SNRPN: variants seen among roughly 807,000 people sequenced by gnomAD.
SNRPN encodes the protein small nuclear ribonucleoprotein-associated protein N.
SNRPN carries 7 observed loss-of-function variants against 25.2 expected under a neutral mutation model. The ratio of observed to expected loss-of-function variants is 0.28; its 90% confidence interval spans 0.16 to 0.52. The LOEUF (loss-of-function observed/expected upper bound fraction) is 0.52, where lower values mean the gene tolerates loss of function less well. SNRPN is among the 20% of genes least tolerant of loss of function. SNRPN has a pLI of 0.96. For synonymous variants in SNRPN, 124 were observed against 110.6 expected, an observed-to-expected ratio of 1.12 and a Z score of -0.76; for missense variants, 196 against 322.5, an observed-to-expected ratio of 0.61 and a Z score of 3.00.
chr15:24,879,064 T>C (rs1156420266), intron 1 of SNRPN, among the ~76,000 whole-genome samples: 2 of 152,084 alleles, frequency 1.3e-5, no homozygotes, highest in Non-Finnish European at 2.9e-5. Context: ...AATATAGTCC[T>C]CCGGAATGCA....
At chr15:24,854,729 G>C (rs1442219134), upstream of SNRPN, among the ~76,000 whole-genome samples, 2 of 152,216 alleles carry the variant, frequency 1.3e-5, no homozygotes, top group Non-Finnish European at 2.9e-5. Context: ...CAGTTGGCCA[G>C]GAGCTGTGGC....
rs369310410 is a variant in SNRPN at position 24,968,061 on chromosome 15, T to C, written c.-165T>C. The C allele has an allele frequency of 5.5e-5, 88 of 1,606,446 alleles. No individual in the cohort carries two copies. The highest frequency in any genetic ancestry group is 6.7e-5 in the Non-Finnish European group (79 of 1,173,278). On this transcript the variant is annotated 5_prime_UTR_variant, in exon 3 of 10. Coordinates refer to ENST00000390687, the MANE Select transcript of SNRPN (RefSeq NM_003097.6). ...AAAGCCATATTGGAGTAGCGAGGAA[T>C]CTGATTCCAAGCAAAAACCAGGTTA...
chr15:24,828,328 G>T (rs1196587129), intron 1 of SNRPN, among the ~76,000 whole-genome samples: 1 of 152,076 alleles, frequency 6.6e-6, no homozygotes, highest in Non-Finnish European at 1.5e-5. Flanking sequence ...GGTATTGAAT[G>T]CAGGTGATCT....
intron 1 of SNRPN, among the ~76,000 whole-genome samples, chr15:24,827,237 G>A (rs941674160): frequency 2.6e-5 from 4 of 152,036 alleles, no homozygotes; most frequent in East Asian, 1.9e-4. Context: ...GTATGCAGCC[G>A]GGCGCGGTGG....
At chr15:24,908,864 T>C (rs1347793844) in intron 2 of SNRPN, 64 of 534,498 alleles carry the variant, frequency 1.2e-4, no homozygotes, top group Non-Finnish European at 1.6e-4. Context: ...TTTCTTTTTC[T>C]TTTTTTTTGC....
intron 2 of SNRPN, among the ~76,000 whole-genome samples, chr15:24,895,649 G>C (rs1409041056): frequency 6.6e-6 from 1 of 152,110 alleles, no homozygotes; most frequent in Admixed American, 6.6e-5. Flanking sequence ...ATGCTAAACA[G>C]TATAAACAAG....
chr15:24,956,249 G>A (rs1004441722), intron 1 of SNRPN, among the ~76,000 whole-genome samples: 34 of 152,004 alleles, frequency 2.2e-4, no homozygotes, highest in African/African-American at 8.2e-4. Context: ...GGTCTTGGAA[G>A]GCTATGTCGA....
chr15:24,939,032 T>TAAG lies in SNRPN; in HGVS notation c.-391+18910_-391+18912dup, dbSNP rs533879917. 1.9e-3 allele frequency among the ~76,000 whole-genome samples: 284 copies of TAAG among 152,184 alleles called. 4 individuals are homozygous for TAAG. Among genetic ancestry groups the TAAG allele is most frequent in the African/African-American group, 6.7e-3 (278 of 41,522 alleles). On this transcript the variant is annotated intron_variant, in intron 3 of 11. Transcript: ENST00000400097. Reference sequence around the variant, plus strand: ...GCCAGAGCAACAAAAATACAGAAAATAAGATATAGTTAATATAATTGGCTT... The same window carrying TAAG: ...GCCAGAGCAACAAAAATACAGAAAATAAGAAGATATAGTTAATATAATTGGCTT...
chr15:24,967,559 G>A (rs1056409988), intron 2 of SNRPN, among the ~76,000 whole-genome samples: 2 of 151,768 alleles, frequency 1.3e-5, no homozygotes, highest in Non-Finnish European at 2.9e-5. Context: ...GGAGAATGGC[G>A]TGAACCCAGG....
At chr15:24,934,365 T>C (rs932605333) in intron 3 of SNRPN, among the ~76,000 whole-genome samples, 1 of 148,072 alleles carries the variant, frequency 6.8e-6, no homozygotes, top group Non-Finnish European at 1.5e-5. Context: ...TATATAAGAT[T>C]CAAATTTCAC....
intron 1 of SNRPN, among the ~76,000 whole-genome samples, chr15:24,959,703 TGA>T (rs2074455290): frequency 6.6e-6 from 1 of 152,238 alleles, no homozygotes; most frequent in Non-Finnish European, 1.5e-5. Context: ...AATGTAGCAC[TGA>T]TCAGTACTAA....
chr15:24,977,936 G>A lies in SNRPN; in HGVS notation c.559+20G>A. 3.3e-6 allele frequency: 5 copies of A among 1,537,162 alleles called. No homozygotes were observed. The highest frequency in any genetic ancestry group is 1.3e-5 in the South Asian group (1 of 79,338). ...CTCCAGGTAAGGGATTGGTGAACAC[G>A]AAGACGAACTTGAATCTCTGATGAG... On this transcript the variant is annotated intron_variant, in intron 8 of 9. Transcript: ENST00000390687.
At chr15:24,900,057 C>T (rs2058353707) in intron 2 of SNRPN, among the ~76,000 whole-genome samples, 1 of 152,120 alleles carries the variant, frequency 6.6e-6, no homozygotes, top group Admixed American at 6.5e-5. Context: ...AAGCAATGAC[C>T]TGTGGTTGAT....
At chr15:24,896,171 T>G (rs971953711) in intron 2 of SNRPN, among the ~76,000 whole-genome samples, 32 of 152,164 alleles carry the variant, frequency 2.1e-4, no homozygotes, top group Admixed American at 1.6e-3. Flanking sequence ...TACCAGCTGG[T>G]CTGATGGGAG....
chr15:24,841,697 C>T (rs2051719076), intron 2 of SNRPN, among the ~76,000 whole-genome samples: 1 of 152,178 alleles, frequency 6.6e-6, no homozygotes, highest in African/African-American at 2.4e-5. Context: ...CAAACACTCA[C>T]AATAGCCACA....
At chr15:24,825,812 C>T (rs948124366) in intron 1 of SNRPN, among the ~76,000 whole-genome samples, 1 of 152,002 alleles carries the variant, frequency 6.6e-6, no homozygotes, top group Non-Finnish European at 1.5e-5. Flanking sequence ...TATGGGTACT[C>T]GAAGTACAAT....
chr15:24,896,876 G>A (rs1011730271), intron 2 of SNRPN, among the ~76,000 whole-genome samples: 37 of 152,116 alleles, frequency 2.4e-4, no homozygotes, highest in African/African-American at 8.9e-4. Flanking sequence ...CAGAGTCTGC[G>A]CACAGTGGTT....
intron 3 of SNRPN, chr15:24,968,666 C>T (rs2076006710): frequency 6.6e-6 from 1 of 152,490 alleles, no homozygotes; most frequent in Non-Finnish European, 1.5e-5. Flanking sequence ...TATAAATACA[C>T]AGCACATAAT....
At chr15:24,957,257 T>C (rs1387758638) in intron 1 of SNRPN, among the ~76,000 whole-genome samples, 1 of 152,182 alleles carries the variant, frequency 6.6e-6, no homozygotes, top group African/African-American at 2.4e-5. Flanking sequence ...CCGACTAAGG[T>C]TGAAAGGTGT....
Sources: allele counts gnomAD v4.1 joint callset (sites outside exome capture counted in the v4.1 genomes callset), GRCh38; gene constraint gnomAD v4.1.1; transcripts MANE v1.5; gene names NCBI Gene and HGNC (gene_info 2026-07-23, HGNC 2026-07-21).